The following BRAT1 variants were observed in gnomAD, a reference collection of about 807,000 sequenced individuals.
BRAT1 encodes the protein integrator complex assembly factor BRAT1.
BRAT1 carries 74 observed loss-of-function variants against 70.6 expected under a neutral mutation model. The observed-to-expected ratio is 1.05, with a 90% CI of 0.87 to 1.27. The LOEUF is 1.27. Ranked by LOEUF, BRAT1 falls within the 50% of genes most tolerant of loss-of-function variation. BRAT1 has a pLI of 0.00. For missense variants in BRAT1, 1,203 were observed against 1,098.2 expected (o/e 1.10, Z -1.35); for synonymous variants, 615 against 517.1 (o/e 1.19, Z -2.57).
chr7:2,537,827 A>C lies in BRAT1; in HGVS notation c.*242T>G. ...CACTGGACCCTTGTCTCAGATCATT[A>C]TTATTAAATTAACTCAAAAAGGGTT... On this transcript the variant is annotated 3_prime_UTR_variant, in exon 14 of 14. Coordinates refer to ENST00000340611, the MANE Select transcript of BRAT1 (RefSeq NM_152743.4). 1.8e-6 allele frequency: 1 copy of C among 540,830 alleles called. No individual in the cohort carries two copies. Among genetic ancestry groups the C allele is most frequent in the Non-Finnish European group, 2.9e-6 (1 of 341,654 alleles). 33.5% of individuals were successfully genotyped at this position (540,830 alleles called of 1,614,324 possible). A position where few individuals can be genotyped will look rare whatever the true frequency, so the allele number is the denominator to read the frequency against.
At chr7:2,541,154 ACCT>A (rs1306724664) in intron 9 of BRAT1, 102 bp from the exon 10 acceptor site, 1 of 1,435,870 alleles carries the variant, frequency 7.0e-7, no homozygotes, top group Non-Finnish European at 9.2e-7. Context: ...GCCAGCTGAA[ACCT>A]CCTGCACGGC....
chr7:2,543,155 C>A lies in BRAT1; in HGVS notation c.923+49G>T. The A allele has an allele frequency of 6.6e-7, 1 of 1,509,356 alleles. No individual in the cohort carries two copies. The highest frequency in any genetic ancestry group is 8.9e-7 in the Non-Finnish European group (1 of 1,127,632). The allele number at this position is 1,509,356 out of a possible 1,614,324, so 93.5% of individuals were successfully genotyped here. A position where few individuals can be genotyped will look rare whatever the true frequency, so the allele number is the denominator to read the frequency against. ...GCTGCGCTCTCAACCTCCCTGCCTG[C>A]CCCAGCTCCCAGCACCCGCCTCGGA... is the stretch of plus-strand genomic sequence containing the variant. On this transcript the variant is annotated intron_variant, in intron 6 of 13. Coordinates refer to ENST00000340611, the MANE Select transcript of BRAT1 (RefSeq NM_152743.4). The surrounding 1 kb of genome is among the most constrained non-coding windows in gnomAD (Gnocchi z 5.5).
chr7:2,547,687 C>A (rs780513018), intron 2 of BRAT1, among the ~76,000 whole-genome samples: 1 of 152,218 alleles, frequency 6.6e-6, no homozygotes, highest in Admixed American at 6.5e-5. Context: ...ACCTTAACAA[C>A]AGGTGAAAGG....
intron 1 of BRAT1, among the ~76,000 whole-genome samples, chr7:2,555,154 C>T (rs189985842): frequency 1.3e-5 from 2 of 151,592 alleles, no homozygotes; most frequent in African/African-American, 4.9e-5. Flanking sequence ...CTCCCAGGAC[C>T]AGGTGTGCAT....
At chr7:2,552,126 T>C (rs1376287481) in intron 2 of BRAT1, among the ~76,000 whole-genome samples, 1 of 74,844 alleles carries the variant, frequency 1.3e-5, no homozygotes, top group East Asian at 4.0e-4. Context: ...TTTTTTTTTT[T>C]TTTTTTTTGA....
Position 2,539,888 on chromosome 7 carries a change from C to T in BRAT1, c.1396G>A (p.Val466Ile). The change falls in exon 11 of 14, where the codon GTT becomes ATT. Residue 466 changes from valine to isoleucine, a missense_variant and splice_region_variant. Physicochemically the swap from Val to Ile is conservative, Grantham distance 29. Transcript: ENST00000340611. ...GTGGCCTGGAAGGCCTTCTTCAGAA[C>T]CTGGAGCAGATAGGGTGGGCTGCAG... The part of the protein sequence containing the change: ...CLESPGSSPT[V>I]LKKAFQATLR... The T allele has an allele frequency of 6.4e-7, 1 of 1,552,732 alleles. No homozygotes were observed. The highest frequency in any genetic ancestry group is 8.7e-7 in the Non-Finnish European group (1 of 1,151,504).
chr7:2,543,736 G>T lies in BRAT1; in HGVS notation c.657C>A (p.Asn219Lys). 1 of 1,599,984 alleles carries T rather than the reference G, an allele frequency of 6.3e-7. No individual in the cohort carries two copies. The highest frequency in any genetic ancestry group is 8.5e-7 in the Non-Finnish European group (1 of 1,169,928). ...AATPKVTQAL[N>K]VLTTTFGRCQ... ...AGCGCCCGAAGGTCGTGGTCAGGAC[G>T]TTCAGGGCCTGAGTGACCTTGGGGG... Residue 219 changes from asparagine (N) to lysine (K), a missense_variant, in exon 5 of 14, where the codon AAC becomes AAA. Coordinates refer to ENST00000340611, the MANE Select transcript of BRAT1 (RefSeq NM_152743.4). This position sits in a 1 kb window ranked among gnomAD's most constrained non-coding sequence, Gnocchi z 5.5.
intron 1 of BRAT1, among the ~76,000 whole-genome samples, chr7:2,554,819 C>A (rs1042187396): frequency 6.6e-6 from 1 of 152,194 alleles, no homozygotes; most frequent in African/African-American, 2.4e-5. Flanking sequence ...CGGGGTCAGC[C>A]ATGTGTGCAA....
chr7:2,552,081 A>AATAAATATATATAT (rs1198193898), intron 2 of BRAT1, among the ~76,000 whole-genome samples: 1 of 23,384 alleles, frequency 4.3e-5, no homozygotes, highest in Non-Finnish European at 6.7e-5. Context: ...CATAGTCTTA[A>AATAAATATATATAT]ATATATATAT....
In BRAT1 at chr7:2,542,147, C is replaced by G. The variant is rs924598376; in HGVS notation, c.988G>C (p.Ala330Pro). ...LLQPLACVLK[A>P]TVQAPGPPGL... Reference sequence around the variant, plus strand: ...GGGGGTCCGGGGGCCTGAACCGTGGCCTTCAGGACACAGGCCAGGGGCTGG... The same window carrying G: ...GGGGGTCCGGGGGCCTGAACCGTGGGCTTCAGGACACAGGCCAGGGGCTGG... The change falls in exon 7 of 14, where the codon GCC becomes CCC. Residue 330 changes from alanine (A) to proline (P), a missense_variant. Transcript: ENST00000340611. 1.3e-6 allele frequency: 2 copies of G among 1,567,830 alleles called. No individual in the cohort carries two copies. The highest frequency in any genetic ancestry group is 3.8e-5 in the Admixed American group (2 of 52,980).
At chr7:2,544,762 ACTGGACAGCCGTACTGTCACAGTGCAGT>A in intron 4 of BRAT1, 119 bp downstream of exon 4, 1 of 1,295,496 alleles carries the variant, frequency 7.7e-7, no homozygotes, top group Non-Finnish European at 1.0e-6. Context: ...ACCAGAGAAC[ACTGGACAGCCGTACTGTCACAGTGCAGT>A]CTTTGCAACA....
intron 4 of BRAT1, among the ~76,000 whole-genome samples, chr7:2,544,498 A>G (rs1169792678): frequency 6.6e-6 from 1 of 151,968 alleles, no homozygotes; most frequent in Non-Finnish European, 1.5e-5. Flanking sequence ...CACCGTGCCC[A>G]GCCTCGTTTC....
At chr7:2,553,274 AC>A (rs1780171802) in intron 2 of BRAT1, among the ~76,000 whole-genome samples, 1 of 151,156 alleles carries the variant, frequency 6.6e-6, no homozygotes, top group Non-Finnish European at 1.5e-5. Flanking sequence ...CAAGTGACCT[AC>A]CCGCCTTGGC....
At chr7:2,552,099 TATATA>T (rs1780066362) in intron 2 of BRAT1, among the ~76,000 whole-genome samples, 1 of 16,580 alleles carries the variant, frequency 6.0e-5, no homozygotes, top group Non-Finnish European at 1.3e-4. Context: ...TATATATATA[TATATA>T]TATTTTTTTT....
rs181738663 is a variant in BRAT1, at chr7:2,542,172, G to C, written c.963C>G (p.Leu321=). 3.4e-5 allele frequency: 54 copies of C among 1,571,850 alleles called. No individual in the cohort carries two copies. The East Asian group carries it at 8.2e-4, about 24-fold the overall frequency. Residue 321 remains leucine (L), a synonymous_variant, in exon 7 of 14, where the codon CTC becomes CTG. Coordinates refer to ENST00000340611, the MANE Select transcript of BRAT1 (RefSeq NM_152743.4). ...CCTTCAGGACACAGGCCAGGGGCTG[G>C]AGAAGGACCTGGAAGGCCTGGGTCC... ...ALRTQAFQVL[L]QPLACVLKAT...
At position 2,538,272 on chromosome 7, in the gene BRAT1, A is replaced by T. The variant is rs373302503; in HGVS notation, c.2263T>A (p.Trp755Arg). The T allele has an allele frequency of 6.2e-7, 1 of 1,611,414 alleles. No individual in the cohort carries two copies. Among genetic ancestry groups the T allele is most frequent in the Non-Finnish European group, 8.5e-7 (1 of 1,179,222 alleles). The part of the protein sequence containing the change: ...TASAEATLPR[W>R]RAGEQAQPPG... Reference sequence around the variant, plus strand: ...GGCTGGGCCTGCTCACCCGCCCGCCACCTCGGCAGGGTGGCCTCTGCGGAG... The same window carrying T: ...GGCTGGGCCTGCTCACCCGCCCGCCTCCTCGGCAGGGTGGCCTCTGCGGAG... The change falls in exon 14 of 14, where the codon TGG (tryptophan) becomes AGG (arginine). Residue 755 changes from tryptophan (W) to arginine (R), a missense_variant. Transcript: ENST00000340611.
At position 2,543,492 on chromosome 7, in the gene BRAT1, C is replaced by T; in HGVS notation, c.803+98G>A. ...GTGCCGCTTCACTGCAGGCCATGTC[C>T]TCAGAGAGTCTCCGGCTGCCAGTGG... is the stretch of plus-strand genomic sequence containing the variant. On this transcript the variant is annotated intron_variant, in intron 5 of 13. Transcript: ENST00000340611. This position sits in a 1 kb window ranked among gnomAD's most constrained non-coding sequence, Gnocchi z 5.5. 1 of 1,484,930 alleles carries T rather than the reference C, an allele frequency of 6.7e-7. No homozygotes were observed. The highest frequency in any genetic ancestry group is 1.8e-4 in the Middle Eastern group (1 of 5,526). The allele number at this position is 1,484,930 out of a possible 1,614,324, so 92.0% of individuals were successfully genotyped here.
At chr7:2,552,766 T>A (rs1409728647) in intron 2 of BRAT1, among the ~76,000 whole-genome samples, 1 of 151,268 alleles carries the variant, frequency 6.6e-6, no homozygotes, top group Non-Finnish European at 1.5e-5. Flanking sequence ...TGAGACGGAA[T>A]CTCGCTCTGT....
intron 13 of BRAT1, 185 bp from the exon 14 acceptor site, chr7:2,538,949 C>G (rs1778918291): frequency 1.4e-6 from 2 of 1,449,214 alleles, no homozygotes; most frequent in Non-Finnish European, 1.8e-6. Context: ...ACCCATCTGT[C>G]AAATGGAGGT....
Sources: gnomAD v4.1 joint callset for allele counts (sites outside exome capture counted in the v4.1 genomes callset) on GRCh38, gnomAD v4.1.1 for gene constraint, Gnocchi (gnomAD v3.1) non-coding constraint, MANE v1.5 for transcripts, NCBI Gene and HGNC (gene_info 2026-07-23, HGNC 2026-07-21) for gene names.